The following PRICKLE4 variants were observed in gnomAD, a reference collection of about 807,000 sequenced individuals.
PRICKLE4 encodes the protein prickle planar cell polarity protein 4.
Under a neutral mutation model 43.5 loss-of-function variants are expected in PRICKLE4, and 40 were observed. That is an observed-to-expected ratio of 0.92 (90% CI 0.71 to 1.20). The LOEUF (loss-of-function observed/expected upper bound fraction) is 1.20, where lower values mean the gene tolerates loss of function less well. Ranked by LOEUF, PRICKLE4 falls within the 50% of genes most tolerant of loss-of-function variation. The pLI is 0.00. For missense variants in PRICKLE4, 527 were observed against 491.2 expected (o/e 1.07, Z -0.69); for synonymous variants, 208 against 197.4 (o/e 1.05, Z -0.45).
intron 5 of PRICKLE4, 60 bp downstream of exon 5, chr6:41,785,132 C>T: frequency 6.3e-7 from 1 of 1,597,282 alleles, no homozygotes; most frequent in Middle Eastern, 1.7e-4. Flanking sequence ...CTCATTTCTG[C>T]AGAAGGGGCT....
chr6:41,787,081 CCAAG>C lies in PRICKLE4; in HGVS notation c.1110_1113del (p.Ala371ArgfsTer36). ...AGTCCTGGAAGACCCCCGGAAGCCTCCAAGCAGAGGACAGCAACGCCTCTAAGAC... is the reference window on the plus strand; with the variant it reads ...AGTCCTGGAAGACCCCCGGAAGCCTCCAGAGGACAGCAACGCCTCTAAGAC... On this transcript the variant is annotated frameshift_variant, in exon 8 of 8. Transcript: ENST00000458694. LOFTEE classifies it high-confidence loss of function. 1 of 1,612,462 alleles carries C rather than the reference CCAAG, an allele frequency of 6.2e-7. No individual in the cohort carries two copies. The highest frequency in any genetic ancestry group is 8.5e-7 in the Non-Finnish European group (1 of 1,179,952).
Position 41,783,499 on chromosome 6 carries a change from C to T in PRICKLE4, c.26C>T (p.Pro9Leu). 2.6e-6 allele frequency: 4 copies of T among 1,553,836 alleles called. No individual in the cohort carries two copies. The highest frequency in any genetic ancestry group is 3.5e-6 in the Non-Finnish European group (4 of 1,129,982). Residue 9 changes from proline (P) to leucine (L), a missense_variant, in exon 3 of 8, where the codon CCC becomes CTC. By Grantham distance (98) the Pro-to-Leu change is moderately conservative. Coordinates refer to ENST00000458694, the MANE Select transcript of PRICKLE4 (RefSeq NM_013397.6). MSVQNSGW[P>L]HQEDSPKPQD... ...ATGTCAGTGCAGAACTCTGGCTGGC[C>T]CCACCAAGAAGACAGCCCCAAGCCC...
At position 41,787,000 on chromosome 6, in the gene PRICKLE4, C is replaced by T. The variant is rs1038969282; in HGVS notation, c.1026C>T (p.Cys342=). ...RDPKDTPFST[C]SSSSDSEPEG... ...CCAAGGACACCCCTTTCTCCACCTG[C>T]TCCTCCTCCTCTGACTCGGAACCTG... The change falls in exon 8 of 8, where the codon TGC becomes TGT. Residue 342 remains cysteine, a synonymous_variant. Coordinates refer to ENST00000458694, the MANE Select transcript of PRICKLE4 (RefSeq NM_013397.6). 1.9e-6 allele frequency: 3 copies of T among 1,613,962 alleles called. No homozygotes were observed. Among genetic ancestry groups the T allele is most frequent in the African/African-American group, 1.3e-5 (1 of 74,908 alleles).
In PRICKLE4 at chr6:41,787,437, A is replaced by G. The variant is rs1772686063; in HGVS notation, c.*308A>G. ...ATCCTCCTCCCAAGCCAATTAAATG[A>G]TCACAGCACGCGTGACAGTTACCGG... On this transcript the variant is annotated 3_prime_UTR_variant, in exon 8 of 8. Transcript: ENST00000458694. The G allele has an allele frequency of 1.6e-6, 1 of 612,924 alleles. No individual in the cohort carries two copies. Among genetic ancestry groups the G allele is most frequent in the Admixed American group, 3.1e-5 (1 of 32,198 alleles). 38.0% of individuals were successfully genotyped at this position (612,924 alleles called of 1,614,324 possible).
intron 4 of PRICKLE4, chr6:41,784,692 G>C (rs1393649551): frequency 1.8e-6 from 1 of 560,450 alleles, no homozygotes; most frequent in African/African-American, 1.9e-5. Context: ...TGGTGACAGG[G>C]CTAAGTGCTG....
At chr6:41,782,386 CTTTTTTTTTTT>C (rs71545914) in intron 2 of PRICKLE4, among the ~76,000 whole-genome samples, 1 of 38,332 alleles carries the variant, frequency 2.6e-5, no homozygotes, top group African/African-American at 1.4e-4. Context: ...GTCACTTCTT[CTTTTTTTTTTT>C]TTTTTTTTTT....
intron 2 of PRICKLE4, among the ~76,000 whole-genome samples, chr6:41,783,242 G>A (rs574826543): frequency 1.3e-5 from 2 of 152,254 alleles, no homozygotes; most frequent in South Asian, 4.1e-4. Flanking sequence ...CAAAAGACCT[G>A]ACCTCAAGTC....
At chr6:41,784,802 C>G in intron 4 of PRICKLE4, 133 bp from the exon 5 acceptor site, 3 of 1,158,706 alleles carry the variant, frequency 2.6e-6, no homozygotes, top group Non-Finnish European at 2.4e-6. Flanking sequence ...CTCTTCTATG[C>G]CATTATCTCT....
chr6:41,782,228 C>T (rs1262248762), intron 2 of PRICKLE4, among the ~76,000 whole-genome samples: 7 of 151,796 alleles, frequency 4.6e-5, no homozygotes, highest in Non-Finnish European at 7.4e-5. Context: ...CACATTACCA[C>T]GCCCAGCTTA....
chr6:41,781,524 G>A lies in PRICKLE4; in HGVS notation c.-13+4G>A, dbSNP rs1772553914. ...GGACAGAAGAGGAAGGAAGCAGGTG[G>A]GTGTGAAGCCAGGAAGGAGGGAAGG... On this transcript the variant is annotated splice_donor_region_variant and intron_variant, in intron 2 of 7. Coordinates refer to ENST00000458694, the MANE Select transcript of PRICKLE4 (RefSeq NM_013397.6). 1 of 152,948 alleles carries A rather than the reference G, an allele frequency of 6.5e-6. No homozygotes were observed. Among genetic ancestry groups the A allele is most frequent in the South Asian group, 2.1e-4 (1 of 4,826 alleles). 9.5% of individuals were successfully genotyped at this position (152,948 alleles called of 1,614,324 possible).
At position 41,785,309 on chromosome 6, in the gene PRICKLE4, G is replaced by C. The variant is rs754503911; in HGVS notation, c.379-28G>C. 6.2e-6 allele frequency: 10 copies of C among 1,607,408 alleles called. No individual in the cohort carries two copies. In the South Asian group the frequency reaches 6.6e-5, roughly 11 times the overall value. ...AAGTTAGGATGGTAGTGCTTACTCC[G>C]ACCACCTCAGCACCTCCCCTCTGAC... On this transcript the variant is annotated intron_variant, in intron 5 of 7. Transcript: ENST00000458694.
chr6:41,783,361 G>A (rs1772582955), intron 2 of PRICKLE4, 101 bp from the exon 3 acceptor site: 4 of 1,237,692 alleles, frequency 3.2e-6, no homozygotes, highest in East Asian at 2.7e-5. Context: ...TCGTTTGGGT[G>A]TTGGGAGGAC....
intron 2 of PRICKLE4, among the ~76,000 whole-genome samples, chr6:41,782,592 C>A (rs1196403973): frequency 1.3e-5 from 2 of 151,418 alleles, no homozygotes; most frequent in Non-Finnish European, 2.9e-5. Flanking sequence ...GAGGTTTACA[C>A]CGTGTTAGCC....
At chr6:41,783,711 T>C (rs749491521) in intron 3 of PRICKLE4, 106 bp downstream of exon 3, 3 of 1,499,412 alleles carry the variant, frequency 2.0e-6, no homozygotes, top group South Asian at 1.1e-5. Flanking sequence ...GCCTAATCTC[T>C]TGTTGCCTTT....
chr6:41,784,603 G>C (rs1245115978), intron 4 of PRICKLE4, among the ~76,000 whole-genome samples: 2 of 152,224 alleles, frequency 1.3e-5, no homozygotes, highest in African/African-American at 4.8e-5. Flanking sequence ...GGCAAGACAG[G>C]AGTATATGAA....
intron 4 of PRICKLE4, chr6:41,784,720 G>C: frequency 1.7e-6 from 1 of 605,266 alleles, no homozygotes; most frequent in Non-Finnish European, 2.9e-6. Flanking sequence ...GTCAGGACCT[G>C]ATTGATGACA....
chr6:41,785,789 A>G (rs1451987007), intron 6 of PRICKLE4, among the ~76,000 whole-genome samples: 2 of 152,146 alleles, frequency 1.3e-5, no homozygotes, highest in African/African-American at 4.8e-5. Flanking sequence ...ATTTCTCTAG[A>G]GCAGGGAGTC....
chr6:41,786,116 TCCCTCTC>T lies in PRICKLE4; in HGVS notation c.583-9_583-3del. On this transcript the variant is annotated splice_polypyrimidine_tract_variant and splice_region_variant and intron_variant, in intron 6 of 7. Transcript: ENST00000458694. Reference sequence around the variant, plus strand: ...TGAATGAAACGTTCCCCTCTCCCTCTCCCTCTCCCAGCTGATCTTCTCCTGGCGCTGC... The same window carrying T: ...TGAATGAAACGTTCCCCTCTCCCTCTCCAGCTGATCTTCTCCTGGCGCTGC... The T allele has an allele frequency of 1.9e-6, 3 of 1,610,942 alleles. No individual in the cohort carries two copies. The highest frequency in any genetic ancestry group is 2.5e-6 in the Non-Finnish European group (3 of 1,177,548).
chr6:41,781,968 C>T (rs1035023658), intron 2 of PRICKLE4, among the ~76,000 whole-genome samples: 1 of 152,064 alleles, frequency 6.6e-6, no homozygotes, highest in Non-Finnish European at 1.5e-5. Flanking sequence ...ATGTCTGTCC[C>T]GAGCTCTGAT....
Sources: gnomAD v4.1 joint callset for allele counts (sites outside exome capture counted in the v4.1 genomes callset) on GRCh38, gnomAD v4.1.1 for gene constraint, MANE v1.5 for transcripts, NCBI Gene and HGNC (gene_info 2026-07-23, HGNC 2026-07-21) for gene names.